Variants in UBE2D1 observed in about 807,000 individuals in gnomAD.
UBE2D1 encodes ubiquitin conjugating enzyme E2 D1.
UBE2D1 carries 9 observed loss-of-function variants against 24.6 expected under a neutral mutation model. That is an observed-to-expected ratio of 0.37 (90% confidence interval 0.22 to 0.64). UBE2D1 has a LOEUF of 0.64. UBE2D1 is among the 30% of genes least tolerant of loss of function. The pLI is 0.64. For missense variants in UBE2D1, 87 were observed against 177.1 expected (o/e 0.49, Z 2.89); for synonymous variants, 57 against 57.6 (o/e 0.99, Z 0.04).
intron 1 of UBE2D1, among the ~76,000 whole-genome samples, chr10:58,354,236 C>G (rs1840107149): frequency 6.6e-6 from 1 of 152,062 alleles, no homozygotes; most frequent in South Asian, 2.1e-4. Context: ...CCCAAGGTCA[C>G]ACAGCTAGTA....
intron 4 of UBE2D1, among the ~76,000 whole-genome samples, chr10:58,364,292 A>G (rs894960764): frequency 1.3e-5 from 2 of 152,178 alleles, no homozygotes; most frequent in Non-Finnish European, 2.9e-5. Context: ...ATGAAATGGT[A>G]TGACAACTCT....
In UBE2D1 at chr10:58,345,394, G is replaced by T. The variant is rs146663652; in HGVS notation, c.24+10169G>T. ...GGAGGCTGAGGTGGGAGGATCACTTGAGCCCAGGAATTCAAGATTACAGTG... is the reference window on the plus strand; with the variant it reads ...GGAGGCTGAGGTGGGAGGATCACTTTAGCCCAGGAATTCAAGATTACAGTG... On this transcript the variant is annotated intron_variant, in intron 1 of 6. Transcript: ENST00000373910. Among the ~76,000 whole-genome samples, 3 of 152,252 alleles carry T rather than the reference G, an allele frequency of 2.0e-5. No homozygotes were observed. In the East Asian group the frequency reaches 5.8e-4, roughly 30 times the overall value.
chr10:58,341,532 CAGTTAAAA>C (rs1839961639), intron 1 of UBE2D1, among the ~76,000 whole-genome samples: 1 of 151,976 alleles, frequency 6.6e-6, no homozygotes, highest in Non-Finnish European at 1.5e-5. Flanking sequence ...TAACCTATGA[CAGTTAAAA>C]AGTTCTGAGA....
At chr10:58,337,341 A>G (rs2132311488) in intron 1 of UBE2D1, among the ~76,000 whole-genome samples, 1 of 152,198 alleles carries the variant, frequency 6.6e-6, no homozygotes. Flanking sequence ...CTTAGGGGTG[A>G]TTATTTTGAT....
At chr10:58,341,596 T>G (rs1332019729) in intron 1 of UBE2D1, among the ~76,000 whole-genome samples, 1 of 152,172 alleles carries the variant, frequency 6.6e-6, no homozygotes, top group Non-Finnish European at 1.5e-5. Context: ...ATAAAGCTGT[T>G]TATGCCTATT....
chr10:58,338,781 T>C (rs985816622), intron 1 of UBE2D1, among the ~76,000 whole-genome samples: 1 of 152,228 alleles, frequency 6.6e-6, no homozygotes, highest in Non-Finnish European at 1.5e-5. Context: ...TGTGATGTGA[T>C]GTGATAAGTT....
At chr10:58,360,006 TC>T (rs1840176938) in intron 1 of UBE2D1, among the ~76,000 whole-genome samples, 1 of 152,158 alleles carries the variant, frequency 6.6e-6, no homozygotes, top group Admixed American at 6.5e-5. Flanking sequence ...CCATGTCTAA[TC>T]CAGTCACAAC....
At position 58,341,739 on chromosome 10, in the gene UBE2D1, T is replaced by C. The variant is rs564312188; in HGVS notation, c.24+6514T>C. ...AAAACATATGGGCCCTTTATTTTCA[T>C]TTAATGAGTGCTACTAATAGAAATG... On this transcript the variant is annotated intron_variant, in intron 1 of 6. Transcript: ENST00000373910. Among the ~76,000 whole-genome samples the C allele has an allele frequency of 2.6e-5, 4 of 152,322 alleles. No individual in the cohort carries two copies. In the South Asian group the frequency reaches 6.2e-4, roughly 24 times the overall value.
chr10:58,361,600 A>G, intron 3 of UBE2D1, 74 bp downstream of exon 3: 1 of 1,583,350 alleles, frequency 6.3e-7, no homozygotes, highest in Non-Finnish European at 8.6e-7. Context: ...CTTTGATCAG[A>G]TGTTTGTGAT....
At chr10:58,365,369 A>G (rs1840244458) in intron 5 of UBE2D1, among the ~76,000 whole-genome samples, 1 of 152,226 alleles carries the variant, frequency 6.6e-6, no homozygotes. Context: ...CATTCATTAA[A>G]TGGAAATGTT....
intron 5 of UBE2D1, among the ~76,000 whole-genome samples, chr10:58,365,161 G>A (rs1840241618): frequency 6.6e-6 from 1 of 152,102 alleles, no homozygotes; most frequent in Admixed American, 6.5e-5. Flanking sequence ...CTTTTAGCTT[G>A]GGTGTTGTCT....
chr10:58,367,812 A>G (rs1840272930), intron 5 of UBE2D1, 111 bp from the exon 6 acceptor site: 2 of 525,884 alleles, frequency 3.8e-6, no homozygotes, highest in Admixed American at 3.5e-5. Flanking sequence ...TGTTCATTTT[A>G]TGTTTTTTTT....
In UBE2D1 at chr10:58,368,971, T is replaced by G. The variant is rs548865564; in HGVS notation, c.*206T>G. ...TGATGAGAGCATTTATCATTTTGTA[T>G]GCATTGAGAAAGACATTTATTATGG... On this transcript the variant is annotated 3_prime_UTR_variant, in exon 7 of 7. Coordinates refer to ENST00000373910, the MANE Select transcript of UBE2D1 (RefSeq NM_003338.5). The G allele has an allele frequency of 2.9e-6, 1 of 345,384 alleles. No homozygotes were observed. The highest frequency in any genetic ancestry group is 5.3e-6 in the Non-Finnish European group (1 of 189,494). 21.4% of individuals were successfully genotyped at this position (345,384 alleles called of 1,614,324 possible). A position where few individuals can be genotyped will look rare whatever the true frequency, so the allele number is the denominator to read the frequency against.
chr10:58,358,739 A>T (rs1040195124), intron 1 of UBE2D1, among the ~76,000 whole-genome samples: 54 of 152,124 alleles, frequency 3.5e-4, no homozygotes, highest in African/African-American at 1.2e-3. Flanking sequence ...CAAAGTCTGA[A>T]ATCTGTTTCC....
At chr10:58,355,922 G>T (rs1237718142) in intron 1 of UBE2D1, among the ~76,000 whole-genome samples, 1 of 151,838 alleles carries the variant, frequency 6.6e-6, no homozygotes, top group Non-Finnish European at 1.5e-5. Flanking sequence ...GGATTTAATT[G>T]TTGGGTCTTC....
chr10:58,341,246 C>T (rs753306771), intron 1 of UBE2D1, among the ~76,000 whole-genome samples: 13 of 152,208 alleles, frequency 8.5e-5, no homozygotes, highest in Middle Eastern at 3.4e-3. Context: ...TCATTTAGTT[C>T]CTGTAGTGGT....
At chr10:58,357,661 C>T (rs1840147047) in intron 1 of UBE2D1, among the ~76,000 whole-genome samples, 1 of 152,072 alleles carries the variant, frequency 6.6e-6, no homozygotes, top group Non-Finnish European at 1.5e-5. Flanking sequence ...ATTCTATCTG[C>T]ACATACGCAT....
intron 1 of UBE2D1, among the ~76,000 whole-genome samples, chr10:58,336,455 A>G (rs575155134): frequency 2.0e-5 from 3 of 152,224 alleles, no homozygotes; most frequent in African/African-American, 7.2e-5. Context: ...CTTTAGGTAC[A>G]GAGGACAGCA....
At chr10:58,364,735 T>G (rs780731371) in intron 4 of UBE2D1, 36 bp from the exon 5 acceptor site, 2 of 1,487,554 alleles carry the variant, frequency 1.3e-6, no homozygotes, top group Non-Finnish European at 1.9e-6. Flanking sequence ...GATTCAAAGG[T>G]GATTGTCATA....
Sources: gnomAD v4.1 joint callset for allele counts (sites outside exome capture counted in the v4.1 genomes callset) on GRCh38, gnomAD v4.1.1 for gene constraint, MANE v1.5 for transcripts, NCBI Gene and HGNC (gene_info 2026-07-23, HGNC 2026-07-21) for gene names.